Variants in VPS13C observed in about 807,000 individuals in gnomAD.
VPS13C encodes intermembrane lipid transfer protein VPS13C.
VPS13C carries 358 observed loss-of-function variants against 456.8 expected under a neutral mutation model. That is an observed-to-expected ratio of 0.78 (90% confidence interval 0.72 to 0.86). VPS13C has a LOEUF of 0.86. VPS13C is among the 40% of genes least tolerant of loss of function. The pLI is 0.00. For synonymous variants in VPS13C, 1,578 were observed against 1,486.7 expected, an observed-to-expected ratio of 1.06 and a Z score of -1.41; for missense variants, 4,818 against 4,385.4, an observed-to-expected ratio of 1.10 and a Z score of -2.79.
At chr15:62,003,558 G>T (rs368369531) in intron 15 of VPS13C, among the ~76,000 whole-genome samples, 2 of 151,998 alleles carry the variant, frequency 1.3e-5, no homozygotes, top group Admixed American at 6.5e-5. Flanking sequence ...AACACTATGT[G>T]GAATAGGAGT....
chr15:62,011,853 G>A (rs1201808079), intron 12 of VPS13C, among the ~76,000 whole-genome samples: 1 of 151,846 alleles, frequency 6.6e-6, no homozygotes, highest in Non-Finnish European at 1.5e-5. Context: ...AAGAATACAT[G>A]GAATTCAAAG....
chr15:61,890,047 GAATA>G, intron 67 of VPS13C, 114 bp downstream of exon 67: 1 of 877,064 alleles, frequency 1.1e-6, no homozygotes, highest in South Asian at 1.8e-5. Context: ...AAGCTTTACT[GAATA>G]AATATACAGC....
At chr15:62,044,298 C>A (rs567445799) in intron 1 of VPS13C, 43 bp from the exon 2 acceptor site, 3 of 1,237,712 alleles carry the variant, frequency 2.4e-6, no homozygotes, top group East Asian at 5.2e-5. Context: ...TATAACATAC[C>A]AATTTTTAAA....
At chr15:61,949,937 T>G (rs913479980) in intron 41 of VPS13C, among the ~76,000 whole-genome samples, 2 of 152,204 alleles carry the variant, frequency 1.3e-5, no homozygotes, top group South Asian at 4.1e-4. Context: ...CTGTACCAGG[T>G]CCAGTACAGG....
In VPS13C at chr15:62,020,395, T is replaced by C. The variant is rs572071603; in HGVS notation, c.684+84A>G. 3.5e-5 allele frequency: 40 copies of C among 1,145,072 alleles called. No individual in the cohort carries two copies. The Admixed American group carries it at 4.1e-4, about 12-fold the overall frequency. The allele number at this position is 1,145,072 out of a possible 1,614,324, so 70.9% of individuals were successfully genotyped here. Reference sequence around the variant, plus strand: ...TAAAAAATCATAGTTCTTTGTCGCATAGTTGATTCTAGACAATTTACCCTG... The same window carrying C: ...TAAAAAATCATAGTTCTTTGTCGCACAGTTGATTCTAGACAATTTACCCTG... On this transcript the variant is annotated intron_variant, in intron 9 of 84. Transcript: ENST00000644861.
chr15:62,052,183 G>C (rs1011980946), intron 1 of VPS13C, among the ~76,000 whole-genome samples: 1 of 152,050 alleles, frequency 6.6e-6, no homozygotes, highest in Admixed American at 6.5e-5. Flanking sequence ...TGCATATAAA[G>C]AATAGTGAAA....
intron 67 of VPS13C, 145 bp downstream of exon 67, chr15:61,890,020 T>A: frequency 2.8e-6 from 2 of 723,888 alleles, no homozygotes; most frequent in Non-Finnish European, 4.5e-6. Context: ...AACTAACAGT[T>A]CAAAGAATTA....
rs1399234640 is a variant in VPS13C, at chr15:61,904,281, C to T, written c.9105+2983G>A. 4.8e-5 allele frequency among the ~76,000 whole-genome samples: 7 copies of T among 147,212 alleles called. No homozygotes were observed. The East Asian group carries it at 8.0e-4, about 17-fold the overall frequency. On this transcript the variant is annotated intron_variant, in intron 66 of 84. Transcript: ENST00000644861. ...TAAGGAACTCAAAACACTCCACAAG[C>T]TTGGTGGAGTGTTTTGAATTCCTTA...
Position 61,915,978 on chromosome 15 carries a change from A to G in VPS13C, c.8100T>C (p.Asp2700=), listed in dbSNP as rs1384139183. 2 of 1,612,428 alleles carry G rather than the reference A, an allele frequency of 1.2e-6. No individual in the cohort carries two copies. The highest frequency in any genetic ancestry group is 1.7e-6 in the Non-Finnish European group (2 of 1,178,816). Residue 2700 remains aspartate (D), a synonymous_variant, in exon 61 of 85, where the codon GAT becomes GAC. Coordinates refer to ENST00000644861, the MANE Select transcript of VPS13C (RefSeq NM_020821.3). ...CACCACTGATTCTCGAATGCAGAAC[A>G]TCAGCAGTACTGCCTTCTGCCAGCT... The part of the protein sequence containing the change: ...THELAEGSTA[D]VLHSRISGEI...
At chr15:61,892,949 CAG>C (rs1403085114) in intron 66 of VPS13C, among the ~76,000 whole-genome samples, 2 of 151,848 alleles carry the variant, frequency 1.3e-5, no homozygotes, top group Non-Finnish European at 2.9e-5. Context: ...GAGGAGAAAA[CAG>C]AATAAAAAAG....
Position 61,881,568 on chromosome 15 carries a change from C to G in VPS13C, c.9771G>C (p.Gln3257His). The G allele has an allele frequency of 6.2e-7, 1 of 1,606,308 alleles. No individual in the cohort carries two copies. Among genetic ancestry groups the G allele is most frequent in the Non-Finnish European group, 8.5e-7 (1 of 1,177,138 alleles). The change falls in exon 71 of 85, where the codon CAG becomes CAC. Residue 3257 changes from glutamine to histidine, a missense_variant. By Grantham distance (24) the Gln-to-His change is conservative (BLOSUM62 0). This residue lies in a region of VPS13C where 4,552 missense variants were observed against 4,130.6 expected (regional missense o/e 1.10). Coordinates refer to ENST00000644861, the MANE Select transcript of VPS13C (RefSeq NM_020821.3). ...CAGCAGGAATCTTCACTTACTTGAA[C>G]TGTAAGACTTTACTGTACTCATTAA... ...TRFNEYSKVL[Q>H]FKYFMVLIQE...
rs888983291 is a variant in VPS13C at position 61,941,814 on chromosome 15, G to A, written c.5402C>T (p.Pro1801Leu). 9 of 1,613,418 alleles carry A rather than the reference G, an allele frequency of 5.6e-6. No individual in the cohort carries two copies. The highest frequency in any genetic ancestry group is 7.6e-6 in the Non-Finnish European group (9 of 1,179,626). Reference protein sequence around the residue: ...SLVPMEHYSLPPVIDKMNIEL... With the variant: ...SLVPMEHYSLLPVIDKMNIEL... ...GATGTTCATTTTATCAATGACTGGAGGAAGAGAATAATGTTCCATAGGAAC... is the reference window on the plus strand; with the variant it reads ...GATGTTCATTTTATCAATGACTGGAAGAAGAGAATAATGTTCCATAGGAAC... The change falls in exon 46 of 85, where the codon CCT becomes CTT. Residue 1801 changes from proline to leucine, a missense_variant. Around this residue, in one of 3 missense-constraint regions of VPS13C, gnomAD observed 4,552 missense variants for 4,130.6 expected, o/e 1.10. Transcript: ENST00000644861.
intron 55 of VPS13C, among the ~76,000 whole-genome samples, chr15:61,921,114 C>G (rs1406024251): frequency 6.6e-6 from 1 of 152,088 alleles, no homozygotes; most frequent in Non-Finnish European, 1.5e-5. Flanking sequence ...CAGATTCCAT[C>G]AGCTTCTGTT....
chr15:62,050,596 G>C (rs1233056026), intron 1 of VPS13C, among the ~76,000 whole-genome samples: 1 of 152,104 alleles, frequency 6.6e-6, no homozygotes. Flanking sequence ...CCAGCAGTTG[G>C]AGACCAGCCT....
rs372099853 is a variant in VPS13C, at chr15:61,918,198, T to C, written c.7698A>G (p.Leu2566=). 41 of 1,599,138 alleles carry C rather than the reference T, an allele frequency of 2.6e-5. No homozygotes were observed. Among genetic ancestry groups the C allele is most frequent in the African/African-American group, 5.4e-5 (4 of 74,038 alleles). ...IIYKFVKNVK[L]LERIGIARPE... ...GTCTGGCTATCCCAATGCGCTCCAA[T>C]AGCTTAACATTCTTAACAAATTTAT... is the stretch of plus-strand genomic sequence containing the variant. The change falls in exon 59 of 85, where the codon CTA becomes CTG. Residue 2566 remains leucine (L), a synonymous_variant. Coordinates refer to ENST00000644861, the MANE Select transcript of VPS13C (RefSeq NM_020821.3).
At chr15:62,017,802 G>A (rs774571051) in intron 9 of VPS13C, among the ~76,000 whole-genome samples, 1,651 of 152,262 alleles carry the variant, frequency 0.011, 13 homozygotes, top group Non-Finnish European at 0.015. Context: ...CTTTAAAGTA[G>A]TTTTTTCCAA....
chr15:62,028,436 CAGCAAT>C lies in VPS13C; in HGVS notation c.386-22_386-17del, dbSNP rs2047710490. ...GAATGTGTGCCTGCATCCCACATGG[CAGCAAT>C]AACCAAAATGCAAAGCAATTTAAAG... is the stretch of plus-strand genomic sequence containing the variant. On this transcript the variant is annotated splice_polypyrimidine_tract_variant and intron_variant, in intron 5 of 84. Coordinates refer to ENST00000644861, the MANE Select transcript of VPS13C (RefSeq NM_020821.3). The C allele has an allele frequency of 1.2e-6, 2 of 1,612,252 alleles. No individual in the cohort carries two copies. Among genetic ancestry groups the C allele is most frequent in the African/African-American group, 1.3e-5 (1 of 74,900 alleles).
intron 51 of VPS13C, 75 bp from the exon 52 acceptor site, chr15:61,927,395 T>A (rs1022483590): frequency 1.7e-6 from 2 of 1,163,802 alleles, no homozygotes; most frequent in Non-Finnish European, 2.5e-6. Context: ...ATCTACAAGT[T>A]GTTAAGTTGT....
At chr15:61,984,067 T>A in intron 19 of VPS13C, 55 bp from the exon 20 acceptor site, 1 of 1,508,420 alleles carries the variant, frequency 6.6e-7, no homozygotes, top group Non-Finnish European at 9.0e-7. Context: ...TGTAATCTAA[T>A]GGACTAAAAT....
Sources: allele counts gnomAD v4.1 joint callset (sites outside exome capture counted in the v4.1 genomes callset), GRCh38; gene constraint gnomAD v4.1.1; regional missense constraint gnomAD v4.1.1; transcripts MANE v1.5; gene names NCBI Gene and HGNC (gene_info 2026-07-23, HGNC 2026-07-21).